AFF1: variants seen among roughly 807,000 people sequenced by gnomAD.
AFF1 encodes ALF transcription elongation factor 1.
Under a neutral mutation model 121.7 loss-of-function variants are expected in AFF1, and 48 were observed. The observed-to-expected ratio is 0.39, with a 90% CI of 0.31 to 0.50. The LOEUF is 0.50. AFF1 is among the 20% of genes least tolerant of loss of function. The pLI is 0.76. For synonymous variants in AFF1, 613 were observed against 563.0 expected, an observed-to-expected ratio of 1.09 and a Z score of -1.26; for missense variants, 1,523 against 1,511.7, an observed-to-expected ratio of 1.01 and a Z score of -0.12.
At position 87,052,476 on chromosome 4, in the gene AFF1, A is replaced by C. The variant is rs1731369794; in HGVS notation, c.1059+4882A>C. ...CAGAAATGAGGGGAGTATGGCTAGAACACTGAGAGTGAGGGGAGGATGTGA... is the reference window on the plus strand; with the variant it reads ...CAGAAATGAGGGGAGTATGGCTAGACCACTGAGAGTGAGGGGAGGATGTGA... On this transcript the variant is annotated intron_variant, in intron 4 of 20. Coordinates refer to ENST00000395146, the MANE Select transcript of AFF1 (RefSeq NM_001166693.3). Among the ~76,000 whole-genome samples, 4 of 152,052 alleles carry C rather than the reference A, an allele frequency of 2.6e-5. No homozygotes were observed. The South Asian group carries it at 8.3e-4, about 32-fold the overall frequency.
chr4:86,948,307 A>G (rs947484898), intron 1 of AFF1, among the ~76,000 whole-genome samples, 191 bp from the exon 2 acceptor site: 1 of 152,186 alleles, frequency 6.6e-6, no homozygotes, highest in Non-Finnish European at 1.5e-5. Context: ...GCAGCCTCAC[A>G]GTTAAAAGTG....
chr4:86,947,413 A>C (rs949471184), intron 1 of AFF1, among the ~76,000 whole-genome samples: 9 of 152,214 alleles, frequency 5.9e-5, no homozygotes, highest in Admixed American at 2.6e-4. Context: ...AGAGCTGTGA[A>C]GGACTATATT....
chr4:86,986,956 C>T (rs899343510), intron 2 of AFF1, among the ~76,000 whole-genome samples: 1 of 151,810 alleles, frequency 6.6e-6, no homozygotes, highest in Non-Finnish European at 1.5e-5. Flanking sequence ...ATCCTCTGGC[C>T]TCACTGTCCT....
intron 20 of AFF1, among the ~76,000 whole-genome samples, chr4:87,135,070 C>T (rs1422102622): frequency 1.3e-5 from 2 of 152,174 alleles, no homozygotes; most frequent in African/African-American, 2.4e-5. Context: ...AGTAGCATAA[C>T]CCAAATACCG....
At chr4:87,070,014 T>G (rs1309212691) in intron 4 of AFF1, among the ~76,000 whole-genome samples, 1 of 151,786 alleles carries the variant, frequency 6.6e-6, no homozygotes, top group Admixed American at 6.6e-5. Context: ...TTGTTTTTAT[T>G]TTTGTTTTGA....
At position 86,951,195 on chromosome 4, in the gene AFF1, T is replaced by TA. The variant is rs531452294; in HGVS notation, c.38+2626dup. On this transcript the variant is annotated intron_variant, in intron 2 of 20. Coordinates refer to ENST00000395146, the MANE Select transcript of AFF1 (RefSeq NM_001166693.3). ...AAGAATTGAATAGCTTCGGCTCTTT[T>TA]AAGCGGAACACAGGCTTTCTAATTC... 1.4e-3 allele frequency among the ~76,000 whole-genome samples: 208 copies of TA among 152,336 alleles called. 1 individual carries two copies. Among genetic ancestry groups the TA allele is most frequent in the African/African-American group, 4.8e-3 (200 of 41,570 alleles).
rs374076144 is a variant in AFF1 at position 86,996,587 on chromosome 4, C to T, written c.38+48016C>T. Among the ~76,000 whole-genome samples, 103 of 150,964 alleles carry T rather than the reference C, an allele frequency of 6.8e-4. 3 individuals carry two copies. The East Asian group carries it at 0.017, about 25-fold the overall frequency. On this transcript the variant is annotated intron_variant, in intron 2 of 20. Transcript: ENST00000395146. ...CAAGTACCCAGGGACACAAACACTGCGGAAGGCCGCAGGGTCCTCTGCCTA... is the reference window on the plus strand; with the variant it reads ...CAAGTACCCAGGGACACAAACACTGTGGAAGGCCGCAGGGTCCTCTGCCTA...
At chr4:86,940,618 T>C (rs1720386163) in intron 1 of AFF1, among the ~76,000 whole-genome samples, 1 of 152,014 alleles carries the variant, frequency 6.6e-6, no homozygotes, top group Non-Finnish European at 1.5e-5. Flanking sequence ...CAGGGTAGTC[T>C]TGAACTCCTG....
intron 2 of AFF1, among the ~76,000 whole-genome samples, chr4:87,000,680 GATA>G (rs1266956889): frequency 1.3e-5 from 2 of 149,186 alleles, no homozygotes; most frequent in Non-Finnish European, 3.0e-5. Flanking sequence ...TTTGTAGACT[GATA>G]ATAAGTAATT....
chr4:87,134,559 A>G lies in AFF1; in HGVS notation c.3400A>G (p.Ser1134Gly), dbSNP rs769859240. 125 of 1,614,016 alleles carry G rather than the reference A, an allele frequency of 7.7e-5. No homozygotes were observed. The highest frequency in any genetic ancestry group is 1.0e-4 in the Non-Finnish European group (118 of 1,180,024). The change falls in exon 20 of 21, where the codon AGT (serine) becomes GGT (glycine). Residue 1134 changes from serine to glycine, a missense_variant. By Grantham distance (56) the Ser-to-Gly change is moderately conservative. Coordinates refer to ENST00000395146, the MANE Select transcript of AFF1 (RefSeq NM_001166693.3). ...SQSSAGSVGSSGVAATISTPV... is the reference protein window; with the variant it reads ...SQSSAGSVGSGGVAATISTPV... ...GTCAAGTGCTGGCAGTGTGGGGAGC[A>G]GTGGGGTGGCTGCCACTATCAGCAC...
At chr4:87,122,880 G>GT (rs1491180112) in intron 12 of AFF1, among the ~76,000 whole-genome samples, 1 of 24,300 alleles carries the variant, frequency 4.1e-5, no homozygotes, top group African/African-American at 1.6e-4. Context: ...TGGAAAATTA[G>GT]TAAAAAAAAA....
chr4:87,071,405 C>T (rs1397397679), intron 4 of AFF1, among the ~76,000 whole-genome samples: 4 of 152,294 alleles, frequency 2.6e-5, no homozygotes, highest in South Asian at 2.1e-4. Flanking sequence ...TTCATGCCAG[C>T]GCAGCCTGGT....
Position 87,090,041 on chromosome 4 carries a change from G to A in AFF1, c.1162G>A (p.Glu388Lys), listed in dbSNP as rs1724141918. The A allele has an allele frequency of 6.2e-7, 1 of 1,613,650 alleles. No individual in the cohort carries two copies. The highest frequency in any genetic ancestry group is 1.1e-5 in the South Asian group (1 of 91,060). The stretch of plus-strand genomic sequence containing the variant: ...AGCAATACATACGCCTAGTACAGCT[G>A]AGCCATCCAAGTTTCCTTTCCCTAC... The part of the protein sequence containing the change: ...LTAIHTPSTA[E>K]PSKFPFPTKD... Residue 388 changes from glutamate (E) to lysine (K), a missense_variant, in exon 6 of 21, where the codon GAG becomes AAG. Glu to Lys is a moderately conservative substitution (Grantham distance 56, BLOSUM62 1). Around this residue, in one of 5 missense-constraint regions of AFF1, gnomAD observed 905 missense variants for 842.5 expected, o/e 1.07. Coordinates refer to ENST00000395146, the MANE Select transcript of AFF1 (RefSeq NM_001166693.3).
At chr4:87,021,074 T>C (rs1431764658) in intron 2 of AFF1, among the ~76,000 whole-genome samples, 4 of 152,194 alleles carry the variant, frequency 2.6e-5, no homozygotes, top group Admixed American at 2.0e-4. Flanking sequence ...TGCGTTTTAA[T>C]ATATGATCGG....
At chr4:86,976,615 A>G (rs987592173) in intron 2 of AFF1, among the ~76,000 whole-genome samples, 48 of 152,202 alleles carry the variant, frequency 3.2e-4, no homozygotes, top group African/African-American at 1.1e-3. Context: ...GGGCCCTACC[A>G]GAGGATGGAG....
intron 2 of AFF1, among the ~76,000 whole-genome samples, chr4:86,982,349 CAAG>C (rs1013560936): frequency 2.4e-5 from 3 of 127,018 alleles, no homozygotes; most frequent in Non-Finnish European, 3.2e-5. Context: ...AATTATATGA[CAAG>C]AAGAAGGCAA....
At chr4:87,036,844 T>A (rs778373437) in intron 2 of AFF1, 2 of 422,630 alleles carry the variant, frequency 4.7e-6, no homozygotes, top group African/African-American at 2.7e-5. Context: ...CCATCCCCCC[T>A]TTTTTTGAGA....
At chr4:86,998,289 A>AT (rs1725402061) in intron 2 of AFF1, among the ~76,000 whole-genome samples, 1 of 152,142 alleles carries the variant, frequency 6.6e-6, no homozygotes, top group East Asian at 1.9e-4. Context: ...CCCTGGAGAC[A>AT]TGCAAACAAG....
intron 2 of AFF1, chr4:86,950,259 A>G (rs1721213631): frequency 1.3e-6 from 1 of 774,096 alleles, no homozygotes; most frequent in African/African-American, 1.7e-5. Flanking sequence ...GCTCACTGCA[A>G]CCTCTGCCTC....
Sources: allele counts gnomAD v4.1 joint callset (sites outside exome capture counted in the v4.1 genomes callset), GRCh38; gene constraint gnomAD v4.1.1; regional missense constraint gnomAD v4.1.1; transcripts MANE v1.5; gene names NCBI Gene and HGNC (gene_info 2026-07-23, HGNC 2026-07-21).